Variants in MAP2K2 observed in about 807,000 individuals in gnomAD.
MAP2K2 encodes dual specificity mitogen-activated protein kinase kinase 2.
A neutral mutation model predicts 43.7 loss-of-function variants in MAP2K2; 24 were observed. That is an observed-to-expected ratio of 0.55 (90% confidence interval 0.40 to 0.77). The LOEUF (loss-of-function observed/expected upper bound fraction) is 0.77. MAP2K2 is among the 30% of genes least tolerant of loss of function. The pLI is 0.00. For missense variants in MAP2K2, 470 were observed against 566.8 expected, an observed-to-expected ratio of 0.83 and a Z score of 1.73; for synonymous variants, 244 against 239.7, an observed-to-expected ratio of 1.02 and a Z score of -0.17.
Position 4,123,709 on chromosome 19 carries a change from C to T in MAP2K2, c.92+75G>A, listed in dbSNP as rs1177467404. On this transcript the variant is annotated intron_variant, in intron 1 of 10. Transcript: ENST00000262948. ...TCGTGCACTCCTCGCGAACCCCCGT[C>T]CCCTCGCCCCGTCCTTCCCCGAGGG... 4 of 1,163,596 alleles carry T rather than the reference C, an allele frequency of 3.4e-6. No homozygotes were observed. In the African/African-American group the frequency reaches 4.9e-5, roughly 14 times the overall value. The allele number at this position is 1,163,596 out of a possible 1,614,324, so 72.1% of individuals were successfully genotyped here.
intron 3 of MAP2K2, among the ~76,000 whole-genome samples, chr19:4,106,642 G>A (rs1341343848): frequency 2.0e-5 from 3 of 152,064 alleles, no homozygotes; most frequent in African/African-American, 2.4e-5. Flanking sequence ...TCTTGACCTC[G>A]TGATCCGCCT....
At position 4,107,559 on chromosome 19, in the gene MAP2K2, G is replaced by A. The variant is rs891127826; in HGVS notation, c.450+2950C>T. On this transcript the variant is annotated intron_variant, in intron 3 of 10. Coordinates refer to ENST00000262948, the MANE Select transcript of MAP2K2 (RefSeq NM_030662.4). Reference sequence around the variant, plus strand: ...AAAAAAAAAAAAACAAACTTAAAAAGCTACTCAAGCGTGCTGGTGCACCTG... The same window carrying A: ...AAAAAAAAAAAAACAAACTTAAAAAACTACTCAAGCGTGCTGGTGCACCTG... 1.6e-4 allele frequency among the ~76,000 whole-genome samples: 22 copies of A among 135,798 alleles called. No homozygotes were observed. The South Asian group carries it at 4.2e-3, about 26-fold the overall frequency. The allele number at this position is 135,798 out of a possible 152,430, so 89.1% of individuals were successfully genotyped here.
intron 3 of MAP2K2, among the ~76,000 whole-genome samples, chr19:4,108,621 T>C (rs1220731806): frequency 6.6e-6 from 1 of 152,082 alleles, no homozygotes; most frequent in East Asian, 1.9e-4. Context: ...TCCTGCAGCC[T>C]GGTGGTCTGT....
In MAP2K2 at chr19:4,099,434, G is replaced by A. The variant is rs1318815989; in HGVS notation, c.706-20C>T. ...CTCCGGCTGCAGCAGAGCCAGGGAG[G>A]AAAGAGCCCAGAGGGGCGAGGATGG... On this transcript the variant is annotated intron_variant, in intron 6 of 10. Coordinates refer to ENST00000262948, the MANE Select transcript of MAP2K2 (RefSeq NM_030662.4). 6.3e-7 allele frequency: 1 copy of A among 1,581,648 alleles called. No individual in the cohort carries two copies. The highest frequency in any genetic ancestry group is 8.6e-7 in the Non-Finnish European group (1 of 1,163,212).
In MAP2K2 at chr19:4,110,575, CG is replaced by C; in HGVS notation, c.383del (p.Pro128ArgfsTer32). 3 of 1,614,022 alleles carry C rather than the reference CG, an allele frequency of 1.9e-6. No homozygotes were observed. Among genetic ancestry groups the C allele is most frequent in the Non-Finnish European group, 2.5e-6 (3 of 1,180,048 alleles). ...ELQVLHECNS[P>X]YIVGFYGAFY... ...AGGCCCCGTAGAAGCCCACGATGTA[CG>C]GCGAGTTGCATTCGTGCAGGACCTG... On this transcript the variant is annotated frameshift_variant, in exon 3 of 11. Coordinates refer to ENST00000262948, the MANE Select transcript of MAP2K2 (RefSeq NM_030662.4). LOFTEE classifies it high-confidence loss of function.
chr19:4,103,228 T>C lies in MAP2K2; in HGVS notation c.451-775A>G, dbSNP rs373925883. 34 of 986,538 alleles carry C rather than the reference T, an allele frequency of 3.4e-5. No homozygotes were observed. The African/African-American group carries it at 5.6e-4, about 16-fold the overall frequency. 61.1% of individuals were successfully genotyped at this position (986,538 alleles called of 1,614,324 possible). On this transcript the variant is annotated intron_variant, in intron 3 of 10. Transcript: ENST00000262948. ...CTGCGGAGGGCCTGGAAACGAGTCATCATGGGTAGGCTGGTCCCCGGGTGT... is the reference window on the plus strand; with the variant it reads ...CTGCGGAGGGCCTGGAAACGAGTCACCATGGGTAGGCTGGTCCCCGGGTGT...
At chr19:4,109,620 A>G (rs185084685) in intron 3 of MAP2K2, among the ~76,000 whole-genome samples, 1 of 152,248 alleles carries the variant, frequency 6.6e-6, no homozygotes, top group Admixed American at 6.5e-5. Context: ...ATTTTAAAAC[A>G]GGCACGTGCC....
intron 10 of MAP2K2, 103 bp from the exon 11 acceptor site, chr19:4,090,811 A>C: frequency 1.3e-6 from 1 of 791,024 alleles, no homozygotes; most frequent in Non-Finnish European, 2.2e-6. Flanking sequence ...GACAGAAAGC[A>C]AAAAACAGAG....
At chr19:4,097,377 C>T (rs779939393) in intron 7 of MAP2K2, 34 bp from the exon 8 acceptor site, 11 of 1,539,436 alleles carry the variant, frequency 7.1e-6, no homozygotes, top group Non-Finnish European at 6.3e-6. Context: ...TGAGATGGGC[C>T]GATGGCCACC....
At chr19:4,122,975 A>G (rs888019147) in intron 1 of MAP2K2, among the ~76,000 whole-genome samples, 1 of 131,440 alleles carries the variant, frequency 7.6e-6, no homozygotes, top group Non-Finnish European at 1.6e-5. Flanking sequence ...CCCCTTGCCC[A>G]GATTTCCTCC....
chr19:4,116,924 G>A (rs935126318), intron 2 of MAP2K2, among the ~76,000 whole-genome samples: 1 of 152,084 alleles, frequency 6.6e-6, no homozygotes, highest in Non-Finnish European at 1.5e-5. Flanking sequence ...GCAAGACCCC[G>A]TCTCAAAAAG....
chr19:4,101,008 C>A lies in MAP2K2; in HGVS notation c.705+11G>T. 1 of 1,552,958 alleles carries A rather than the reference C, an allele frequency of 6.4e-7. No homozygotes were observed. The highest frequency in any genetic ancestry group is 8.7e-7 in the Non-Finnish European group (1 of 1,149,074). The stretch of plus-strand genomic sequence containing the variant: ...GAGGAGAGCTGGAGGGGAGAGCCAG[C>A]GGGGACTCACAGCCATGTAGGAGCG... On this transcript the variant is annotated intron_variant, in intron 6 of 10. Coordinates refer to ENST00000262948, the MANE Select transcript of MAP2K2 (RefSeq NM_030662.4). This position sits in a 1 kb window ranked among gnomAD's most constrained non-coding sequence, Gnocchi z 6.3.
intron 6 of MAP2K2, chr19:4,099,953 A>G: frequency 5.7e-6 from 1 of 175,668 alleles, no homozygotes; most frequent in Non-Finnish European, 1.2e-5. Context: ...CATTTTTTTA[A>G]AAGTTAGCCA....
rs143260759 is a variant in MAP2K2 at position 4,109,795 on chromosome 19, A to G, written c.450+714T>C. On this transcript the variant is annotated intron_variant, in intron 3 of 10. Coordinates refer to ENST00000262948, the MANE Select transcript of MAP2K2 (RefSeq NM_030662.4). ...CCGGCCTAATAGGGATCAGTTTTTA[A>G]TTGCATCTACCCTGGAACCCAGCAA... Among the ~76,000 whole-genome samples, 370 of 152,154 alleles carry G rather than the reference A, an allele frequency of 2.4e-3. 1 individual carries two copies. Among genetic ancestry groups the G allele is most frequent in the African/African-American group, 8.5e-3 (351 of 41,510 alleles).
rs531847038 is a variant in MAP2K2 at position 4,110,131 on chromosome 19, C to A, written c.450+378G>T. ...CCAGCCTGGCCAAGATGGTGAAACC[C>A]TGTCTCTACTAAAAATACAAAAATT... On this transcript the variant is annotated intron_variant, in intron 3 of 10. Coordinates refer to ENST00000262948, the MANE Select transcript of MAP2K2 (RefSeq NM_030662.4). 9.7e-4 allele frequency among the ~76,000 whole-genome samples: 147 copies of A among 152,100 alleles called. 1 individual carries two copies. The highest frequency in any genetic ancestry group is 6.9e-3 in the Middle Eastern group (2 of 290).
At chr19:4,112,998 C>G (rs549525332) in intron 2 of MAP2K2, among the ~76,000 whole-genome samples, 1 of 152,160 alleles carries the variant, frequency 6.6e-6, no homozygotes, top group African/African-American at 2.4e-5. Flanking sequence ...CCGGACTGAC[C>G]GCATTTTAAG....
intron 1 of MAP2K2, among the ~76,000 whole-genome samples, chr19:4,119,998 G>A (rs1003071076): frequency 2.0e-5 from 3 of 152,278 alleles, no homozygotes; most frequent in Admixed American, 1.3e-4. Context: ...CTGGAAGGCA[G>A]GGGCCTGGGC....
Position 4,110,665 on chromosome 19 carries a change from G to A in MAP2K2, c.304-10C>T, listed in dbSNP as rs1195759898. On this transcript the variant is annotated splice_polypyrimidine_tract_variant and intron_variant, in intron 2 of 10. Coordinates refer to ENST00000262948, the MANE Select transcript of MAP2K2 (RefSeq NM_030662.4). ...TCTCAAGGTGGATCAGCTGCAAGGG[G>A]AGAGGGGCGAGACTGGCTTGGGGGG... The A allele has an allele frequency of 1.9e-6, 3 of 1,610,574 alleles. No individual in the cohort carries two copies. The highest frequency in any genetic ancestry group is 1.7e-6 in the Non-Finnish European group (2 of 1,179,034).
At chr19:4,102,296 G>A in intron 4 of MAP2K2, 80 bp downstream of exon 4, 1 of 1,252,546 alleles carries the variant, frequency 8.0e-7, no homozygotes, top group Non-Finnish European at 1.1e-6. Context: ...CACTGTGAGT[G>A]GCTCCCGGAA....
Sources: gnomAD v4.1 joint callset for allele counts (sites outside exome capture counted in the v4.1 genomes callset) on GRCh38, gnomAD v4.1.1 for gene constraint, Gnocchi (gnomAD v3.1) non-coding constraint, MANE v1.5 for transcripts, NCBI Gene and HGNC (gene_info 2026-07-23, HGNC 2026-07-21) for gene names.